The following PTGER3 variants were observed in gnomAD, a reference collection of about 807,000 sequenced individuals.
PTGER3 encodes the protein prostaglandin E receptor 3.
A neutral mutation model predicts 34.7 loss-of-function variants in PTGER3; 22 were observed. That is an observed-to-expected ratio of 0.63 (90% confidence interval 0.45 to 0.91). The LOEUF (loss-of-function observed/expected upper bound fraction) is 0.91, where lower values mean the gene tolerates loss of function less well. Among genes scored for constraint, PTGER3 ranks in the 40% least tolerant of loss-of-function variants. PTGER3 has a pLI of 0.00. For missense variants in PTGER3, 468 were observed against 519.4 expected (o/e 0.90, Z 0.96); for synonymous variants, 241 against 230.1 (o/e 1.05, Z -0.43).
rs556549914 is a variant in PTGER3, at chr1:71,027,017, C to T, written c.898-14533G>A. ...CACCATTGACTCCCTCTCTCCTTAA[C>T]GTGTGAACCCAGTGAGAGCAATTCT... On this transcript the variant is annotated intron_variant, in intron 1 of 3. Transcript: ENST00000306666. Among the ~76,000 whole-genome samples, 6 of 152,258 alleles carry T rather than the reference C, an allele frequency of 3.9e-5. No individual in the cohort carries two copies. In the East Asian group the frequency reaches 1.2e-3, roughly 29 times the overall value.
At position 70,973,121 on chromosome 1, in the gene PTGER3, C is replaced by CGTGT. The variant is rs71898506; in HGVS notation, c.1169+1172_1169+1175dup. 2.6e-3 allele frequency among the ~76,000 whole-genome samples: 370 copies of CGTGT among 143,930 alleles called. 1 individual carries two copies. The highest frequency in any genetic ancestry group is 4.8e-3 in the African/African-American group (187 of 38,660). The allele number at this position is 143,930 out of a possible 152,430, so 94.4% of individuals were successfully genotyped here. A position where few individuals can be genotyped will look rare whatever the true frequency, so the allele number is the denominator to read the frequency against. On this transcript the variant is annotated intron_variant, in intron 3 of 3. Transcript: ENST00000306666. The stretch of plus-strand genomic sequence containing the variant: ...ACAGCAAAACAGTACCCAGTGTGCA[C>CGTGT]GTGTGTGTGTGTGTGTGTGTGTGTG...
intron 4 of PTGER3, among the ~76,000 whole-genome samples, chr1:70,903,733 G>C (rs1285208451): frequency 6.6e-6 from 1 of 152,176 alleles, no homozygotes; most frequent in Non-Finnish European, 1.5e-5. Flanking sequence ...GGGAAAAAGA[G>C]AGAGGGAACC....
intron 4 of PTGER3, among the ~76,000 whole-genome samples, chr1:70,877,975 G>T (rs542122606): frequency 3.3e-5 from 5 of 152,228 alleles, no homozygotes; most frequent in African/African-American, 1.2e-4. Flanking sequence ...ATGAGTTAGG[G>T]AGGAGTCCCT....
At chr1:70,955,865 T>C (rs1456406599) in intron 2 of PTGER3, among the ~76,000 whole-genome samples, 2 of 152,124 alleles carry the variant, frequency 1.3e-5, no homozygotes, top group Non-Finnish European at 2.9e-5. Context: ...TATGCACAAT[T>C]ATACATTTAT....
At position 71,025,988 on chromosome 1, in the gene PTGER3, T is replaced by TC. The variant is rs1287279517; in HGVS notation, c.898-13505dup. On this transcript the variant is annotated intron_variant, in intron 1 of 3. Transcript: ENST00000306666. ...TGTGAATCTGGCATTGTGTGATTAC[T>TC]CCCCCCTTGCTTATACTGTAATAAA... Among the ~76,000 whole-genome samples, 3 of 152,220 alleles carry TC rather than the reference T, an allele frequency of 2.0e-5. 1 individual carries two copies. Among genetic ancestry groups the TC allele is most frequent in the South Asian group, 4.1e-4 (2 of 4,822 alleles).
chr1:70,871,474 G>A (rs1448626970), intron 4 of PTGER3, among the ~76,000 whole-genome samples: 1 of 152,310 alleles, frequency 6.6e-6, no homozygotes, highest in Non-Finnish European at 1.5e-5. Context: ...CTCTGCCAGA[G>A]TTTTGAGATA....
chr1:70,969,472 C>T (rs750643159), downstream of PTGER3, among the ~76,000 whole-genome samples: 3 of 152,064 alleles, frequency 2.0e-5, no homozygotes, highest in Non-Finnish European at 2.9e-5. Flanking sequence ...AATTAAGAAA[C>T]GAGTCCTCTC....
chr1:70,985,335 C>G (rs758235148), intron 2 of PTGER3, among the ~76,000 whole-genome samples: 1 of 152,112 alleles, frequency 6.6e-6, no homozygotes, highest in African/African-American at 2.4e-5. Context: ...CTGAAGTCTC[C>G]CTGGGGCTTA....
At chr1:71,000,116 A>G (rs1273924972) in intron 2 of PTGER3, among the ~76,000 whole-genome samples, 1 of 152,208 alleles carries the variant, frequency 6.6e-6, no homozygotes, top group Admixed American at 6.5e-5. Flanking sequence ...CCTTTCTTCC[A>G]TGGGGTTTTA....
intron 4 of PTGER3, among the ~76,000 whole-genome samples, chr1:70,917,947 T>C (rs1647225610): frequency 6.6e-6 from 1 of 152,086 alleles, no homozygotes; most frequent in Non-Finnish European, 1.5e-5. Context: ...AATCTGGATA[T>C]TAATGCCTTG....
chr1:70,920,861 AATC>A (rs1647453349), intron 4 of PTGER3, among the ~76,000 whole-genome samples: 1 of 118,482 alleles, frequency 8.4e-6, no homozygotes, highest in Non-Finnish European at 1.8e-5. Context: ...GGAAATCAAG[AATC>A]CTGACAATTT....
chr1:70,951,835 A>G (rs1376442814), downstream of PTGER3, among the ~76,000 whole-genome samples: 1 of 152,204 alleles, frequency 6.6e-6, no homozygotes, highest in Non-Finnish European at 1.5e-5. Flanking sequence ...ACAGACAAAC[A>G]GAAACAAATT....
chr1:70,909,488 G>T (rs369161848), intron 4 of PTGER3, among the ~76,000 whole-genome samples: 1 of 152,274 alleles, frequency 6.6e-6, no homozygotes, highest in East Asian at 1.9e-4. Context: ...CATTCTTCCT[G>T]GAAGAGTCTC....
At chr1:70,990,429 T>C (rs1007859573) in intron 2 of PTGER3, among the ~76,000 whole-genome samples, 3 of 134,566 alleles carry the variant, frequency 2.2e-5, no homozygotes, top group Middle Eastern at 3.4e-3. Context: ...ATTATACATA[T>C]GTATCAATGT....
intron 4 of PTGER3, among the ~76,000 whole-genome samples, chr1:70,901,318 G>A (rs1372322301): frequency 6.6e-6 from 1 of 152,196 alleles, no homozygotes; most frequent in Non-Finnish European, 1.5e-5. Flanking sequence ...GTTATGTGGA[G>A]GTTGGATATG....
At chr1:71,011,934 C>T in intron 2 of PTGER3, 2 of 1,223,024 alleles carry the variant, frequency 1.6e-6, no homozygotes, top group Non-Finnish European at 2.1e-6. Context: ...AGACCAAGAT[C>T]ATTTATAAAA....
chr1:70,943,334 G>A (rs779999974), intron 4 of PTGER3, among the ~76,000 whole-genome samples: 3 of 152,072 alleles, frequency 2.0e-5, no homozygotes, highest in Non-Finnish European at 2.9e-5. Flanking sequence ...TACATATATG[G>A]CCAGGGTGAC....
At chr1:71,008,654 AC>A (rs1244303309) in intron 2 of PTGER3, 1 of 983,526 alleles carries the variant, frequency 1.0e-6, no homozygotes, top group Non-Finnish European at 1.2e-6. Flanking sequence ...CTTTGTTGCA[AC>A]TCAGAAAAGT....
intron 2 of PTGER3, among the ~76,000 whole-genome samples, chr1:70,996,413 T>C (rs1655945373): frequency 6.6e-6 from 1 of 152,074 alleles, no homozygotes; most frequent in East Asian, 1.9e-4. Flanking sequence ...TGGTTCCTTA[T>C]AATTATTTTA....
Sources: allele counts gnomAD v4.1 joint callset (sites outside exome capture counted in the v4.1 genomes callset), GRCh38; gene constraint gnomAD v4.1.1; transcripts MANE v1.5; gene names NCBI Gene and HGNC (gene_info 2026-07-23, HGNC 2026-07-21).